The following RGS7BP variants were observed in gnomAD, a reference collection of about 807,000 sequenced individuals.
RGS7BP encodes regulator of G protein signaling 7 binding protein, also known as regulator of G protein signaling 7-binding protein.
In RGS7BP, 9 loss-of-function variants were observed where a neutral mutation model predicts 31.3. The observed-to-expected ratio is 0.29, with a 90% CI of 0.17 to 0.50. The LOEUF (loss-of-function observed/expected upper bound fraction) is 0.50. RGS7BP is among the 20% of genes least tolerant of loss of function. The pLI is 0.98. For missense variants in RGS7BP, 274 were observed against 322.0 expected (o/e 0.85, Z 1.14); for synonymous variants, 115 against 120.1 (o/e 0.96, Z 0.28).
intron 2 of RGS7BP, among the ~76,000 whole-genome samples, chr5:64,556,453 ACACAC>A (rs1741929868): frequency 6.6e-6 from 1 of 150,486 alleles, no homozygotes; most frequent in African/African-American, 2.5e-5. Flanking sequence ...ACACACACAC[ACACAC>A]ACAAAATTGG....
intron 3 of RGS7BP, among the ~76,000 whole-genome samples, chr5:64,586,217 G>C (rs2111931573): frequency 6.6e-6 from 1 of 152,212 alleles, no homozygotes; most frequent in African/African-American, 2.4e-5. Flanking sequence ...TTCCAGGTTT[G>C]GATGGCTCTG....
intron 3 of RGS7BP, among the ~76,000 whole-genome samples, chr5:64,594,224 A>G (rs1351019829): frequency 5.9e-5 from 9 of 152,148 alleles, no homozygotes; most frequent in Admixed American, 5.9e-4. Flanking sequence ...AGACACCTGC[A>G]TGATCCCTGC....
chr5:64,592,450 G>A (rs949888786), intron 3 of RGS7BP, among the ~76,000 whole-genome samples: 1 of 152,104 alleles, frequency 6.6e-6, no homozygotes, highest in Non-Finnish European at 1.5e-5. Context: ...AGTTATGGAA[G>A]GGCATTTGTC....
chr5:64,535,485 A>G (rs1298806109), intron 2 of RGS7BP, among the ~76,000 whole-genome samples: 1 of 152,148 alleles, frequency 6.6e-6, no homozygotes, highest in Non-Finnish European at 1.5e-5. Flanking sequence ...GCTCCCTCCC[A>G]GCCCCACCTC....
chr5:64,571,438 G>C (rs1156429676), intron 2 of RGS7BP, among the ~76,000 whole-genome samples: 1 of 152,028 alleles, frequency 6.6e-6, no homozygotes, highest in Non-Finnish European at 1.5e-5. Context: ...CAAATACCTA[G>C]AAATGGAATC....
chr5:64,579,623 C>A (rs1742535224), intron 3 of RGS7BP, among the ~76,000 whole-genome samples: 1 of 146,912 alleles, frequency 6.8e-6, no homozygotes. Flanking sequence ...TAGCAGTAAG[C>A]ATGAAAGAAA....
At chr5:64,582,320 C>CCA (rs1359716607) in intron 3 of RGS7BP, among the ~76,000 whole-genome samples, 3 of 152,244 alleles carry the variant, frequency 2.0e-5, no homozygotes, top group Admixed American at 6.5e-5. Context: ...CCATGGCTTT[C>CCA]CTCTCTCTTG....
intron 2 of RGS7BP, among the ~76,000 whole-genome samples, chr5:64,525,927 G>T (rs574220584): frequency 1.3e-5 from 2 of 152,284 alleles, no homozygotes; most frequent in South Asian, 4.1e-4. Context: ...TCACAGGAAG[G>T]ACAGCAGGAA....
chr5:64,557,211 T>A (rs749634879), intron 2 of RGS7BP, among the ~76,000 whole-genome samples: 9 of 152,196 alleles, frequency 5.9e-5, no homozygotes, highest in Non-Finnish European at 1.3e-4. Flanking sequence ...TGTAAGATGT[T>A]TCACTACAGC....
rs113139804 is a variant in RGS7BP at position 64,587,115 on chromosome 5, G to A, written c.464-7595G>A. On this transcript the variant is annotated intron_variant, in intron 3 of 5. Coordinates refer to ENST00000334025, the MANE Select transcript of RGS7BP (RefSeq NM_001029875.3). Reference sequence around the variant, plus strand: ...GAAAACAAGGAAAACCTGAGCGATCGTATAGGAGGACTTTTAGGGGCCAGT... The same window carrying A: ...GAAAACAAGGAAAACCTGAGCGATCATATAGGAGGACTTTTAGGGGCCAGT... 4.6e-3 allele frequency among the ~76,000 whole-genome samples: 704 copies of A among 152,246 alleles called. 2 individuals are homozygous for A. The highest frequency in any genetic ancestry group is 0.016 in the African/African-American group (651 of 41,562).
At chr5:64,579,438 G>T (rs1324126657) in intron 3 of RGS7BP, among the ~76,000 whole-genome samples, 3 of 149,492 alleles carry the variant, frequency 2.0e-5, no homozygotes, top group Non-Finnish European at 4.4e-5. Flanking sequence ...CAGCTACTCA[G>T]GAGACTGAAG....
chr5:64,525,493 G>C (rs976490451), intron 2 of RGS7BP, among the ~76,000 whole-genome samples: 4 of 152,234 alleles, frequency 2.6e-5, no homozygotes. Flanking sequence ...TGAAAGGGTG[G>C]ACCCCACTAT....
rs1408698515 is a variant in RGS7BP at position 64,611,832 on chromosome 5, G to GC, written c.*2584dup. The GC allele has an allele frequency of 6.6e-6, 1 of 151,888 alleles. No individual in the cohort carries two copies. The highest frequency in any genetic ancestry group is 1.5e-5 in the Non-Finnish European group (1 of 67,864). The allele number at this position is 151,888 out of a possible 1,614,324, so 9.4% of individuals were successfully genotyped here. ...CAGGCCAATGCATCCCTTAGGAGCT[G>GC]CCCCACTCTCCTCTCACCTACCAAA... On this transcript the variant is annotated 3_prime_UTR_variant, in exon 6 of 6. Transcript: ENST00000334025.
intron 2 of RGS7BP, among the ~76,000 whole-genome samples, chr5:64,568,494 A>T (rs1742222832): frequency 6.6e-6 from 1 of 152,188 alleles, no homozygotes; most frequent in African/African-American, 2.4e-5. Context: ...TGTACATATT[A>T]GTTTTCTCCT....
At chr5:64,547,171 T>G (rs756675249) in intron 2 of RGS7BP, among the ~76,000 whole-genome samples, 1 of 152,252 alleles carries the variant, frequency 6.6e-6, no homozygotes. Flanking sequence ...AGTTTGGAGC[T>G]GTTGTGAAAT....
At chr5:64,524,828 C>T (rs1044427874) in intron 2 of RGS7BP, among the ~76,000 whole-genome samples, 2 of 152,040 alleles carry the variant, frequency 1.3e-5, no homozygotes, top group Non-Finnish European at 2.9e-5. Context: ...CCACGAGGCC[C>T]CTTAGCACAA....
intron 3 of RGS7BP, among the ~76,000 whole-genome samples, chr5:64,590,551 A>G (rs1742885484): frequency 6.6e-6 from 1 of 152,188 alleles, no homozygotes; most frequent in Admixed American, 6.5e-5. Flanking sequence ...AAGAAGAGAA[A>G]ACATTTTAAA....
chr5:64,568,946 G>A (rs968410031), intron 2 of RGS7BP, among the ~76,000 whole-genome samples: 3 of 151,928 alleles, frequency 2.0e-5, no homozygotes, highest in East Asian at 1.9e-4. Flanking sequence ...AGCAAGGGAC[G>A]CAAGGGACAA....
At chr5:64,583,045 A>G (rs1742644990) in intron 3 of RGS7BP, among the ~76,000 whole-genome samples, 2 of 152,206 alleles carry the variant, frequency 1.3e-5, no homozygotes, top group South Asian at 2.1e-4. Flanking sequence ...TTTGTTATCT[A>G]TCATATGTAA....
Sources: allele counts gnomAD v4.1 joint callset (sites outside exome capture counted in the v4.1 genomes callset), GRCh38; gene constraint gnomAD v4.1.1; transcripts MANE v1.5; gene names NCBI Gene and HGNC (gene_info 2026-07-23, HGNC 2026-07-21).